IP6K1: variants seen among roughly 807,000 people sequenced by gnomAD.
IP6K1 encodes the protein inositol hexakisphosphate kinase 1.
Under a neutral mutation model 38.3 loss-of-function variants are expected in IP6K1, and 13 were observed. The observed-to-expected ratio is 0.34, with a 90% confidence interval of 0.22 to 0.54. The LOEUF is 0.54. Ranked by LOEUF, IP6K1 falls within the 20% of genes least tolerant of loss-of-function variation. IP6K1 has a pLI of 0.92. For missense variants in IP6K1, 397 were observed against 599.8 expected (o/e 0.66, Z 3.53); for synonymous variants, 212 against 229.9 (o/e 0.92, Z 0.70).
chr3:49,739,657 G>A (rs779468007), intron 2 of IP6K1, among the ~76,000 whole-genome samples: 3 of 151,812 alleles, frequency 2.0e-5, no homozygotes, highest in Non-Finnish European at 4.4e-5. Flanking sequence ...CCGGCCTAAA[G>A]TTCTTTATAA....
intron 1 of IP6K1, among the ~76,000 whole-genome samples, chr3:49,782,801 G>C (rs1218111886): frequency 6.6e-6 from 1 of 151,752 alleles, no homozygotes; most frequent in African/African-American, 2.4e-5. Context: ...GTTTTTAAGA[G>C]ACTGTCTCTT....
At chr3:49,766,958 C>CAAAAAAAAAAAAA (rs144308874) in intron 1 of IP6K1, among the ~76,000 whole-genome samples, 1 of 55,392 alleles carries the variant, frequency 1.8e-5, no homozygotes, top group Non-Finnish European at 3.0e-5. Flanking sequence ...GACTCCGTCT[C>CAAAAAAAAAAAAA]AAAAAAAAAA....
At chr3:49,771,210 A>G (rs1277817940) in intron 1 of IP6K1, among the ~76,000 whole-genome samples, 1 of 149,424 alleles carries the variant, frequency 6.7e-6, no homozygotes, top group Non-Finnish European at 1.5e-5. Context: ...AAAAAAAAAA[A>G]AACCCTGCCA....
chr3:49,775,445 G>A (rs565046161), intron 1 of IP6K1: 13 of 480,646 alleles, frequency 2.7e-5, no homozygotes, highest in Non-Finnish European at 4.7e-5. Flanking sequence ...TATCTTAGCA[G>A]GGGTGCCGTG....
chr3:49,774,430 G>GA (rs1158800169), intron 1 of IP6K1, among the ~76,000 whole-genome samples: 12 of 115,110 alleles, frequency 1.0e-4, no homozygotes, highest in South Asian at 2.8e-4. Context: ...AAAAAAAAAA[G>GA]AAAAAAAAAA....
At chr3:49,743,667 T>A (rs1440760230) in intron 2 of IP6K1, among the ~76,000 whole-genome samples, 3 of 148,186 alleles carry the variant, frequency 2.0e-5, no homozygotes, top group African/African-American at 7.4e-5. Flanking sequence ...TTGCCCAGGC[T>A]GGAATGCAAT....
At chr3:49,759,886 G>A (rs2080853868) in intron 1 of IP6K1, among the ~76,000 whole-genome samples, 1 of 152,124 alleles carries the variant, frequency 6.6e-6, no homozygotes, top group Admixed American at 6.6e-5. Context: ...CAACCCTCTA[G>A]TGAAATACCA....
chr3:49,748,254 CTTG>C (rs996886709), intron 1 of IP6K1, 86 bp from the exon 2 acceptor site: 11 of 587,166 alleles, frequency 1.9e-5, no homozygotes, highest in African/African-American at 1.7e-4. Context: ...AGCAGGGACT[CTTG>C]TTTTGTTCCC....
At chr3:49,759,723 A>G (rs1453671161) in intron 1 of IP6K1, among the ~76,000 whole-genome samples, 1 of 152,218 alleles carries the variant, frequency 6.6e-6, no homozygotes, top group East Asian at 1.9e-4. Flanking sequence ...ATTAAAGGTT[A>G]CCCAGAAGCA....
Position 49,726,855 on chromosome 3 carries a change from C to T in IP6K1, c.*267G>A, listed in dbSNP as rs1394687968. On this transcript the variant is annotated 3_prime_UTR_variant, in exon 6 of 6. Coordinates refer to ENST00000321599, the MANE Select transcript of IP6K1 (RefSeq NM_153273.4). ...CACCCTGTCCCTGCTGCCAAGCCCA[C>T]CAGGGGCACCTCTTCCTTCCTAAGG... The T allele has an allele frequency of 4.3e-6, 2 of 461,118 alleles. No individual in the cohort carries two copies. The highest frequency in any genetic ancestry group is 3.8e-5 in the Admixed American group (1 of 26,442). 28.6% of individuals were successfully genotyped at this position (461,118 alleles called of 1,614,324 possible). A position where few individuals can be genotyped will look rare whatever the true frequency, so the allele number is the denominator to read the frequency against.
intron 1 of IP6K1, among the ~76,000 whole-genome samples, chr3:49,754,380 G>A (rs141309905): frequency 3.3e-4 from 47 of 143,858 alleles, no homozygotes; most frequent in African/African-American, 4.6e-4. Context: ...TGTCTCAGGG[G>A]AAAAAAAAAA....
In IP6K1 at chr3:49,780,309, T is replaced by TACACAC. The variant is rs71080553; in HGVS notation, c.-129+6039_-129+6044dup. Among the ~76,000 whole-genome samples the TACACAC allele has an allele frequency of 2.7e-3, 315 of 117,610 alleles. 9 individuals are homozygous for TACACAC. The highest frequency in any genetic ancestry group is 7.3e-3 in the African/African-American group (234 of 32,126). 77.2% of individuals were successfully genotyped at this position (117,610 alleles called of 152,430 possible). A position where few individuals can be genotyped will look rare whatever the true frequency, so the allele number is the denominator to read the frequency against. ...ACACGAGAATCTTTATCATCTTTCA[T>TACACAC]ACACACACACACACACACACACACA... On this transcript the variant is annotated intron_variant, in intron 1 of 5. Coordinates refer to ENST00000321599, the MANE Select transcript of IP6K1 (RefSeq NM_153273.4).
intron 1 of IP6K1, among the ~76,000 whole-genome samples, chr3:49,766,574 G>A (rs1156409701): frequency 6.6e-6 from 1 of 151,200 alleles, no homozygotes; most frequent in African/African-American, 2.4e-5. Context: ...TGAGGCAGGA[G>A]AATCACTTGA....
intron 1 of IP6K1, among the ~76,000 whole-genome samples, chr3:49,763,307 G>A (rs1007633365): frequency 1.2e-4 from 18 of 150,596 alleles, no homozygotes; most frequent in African/African-American, 2.7e-4. Context: ...GGGTTTCGCC[G>A]TGTTAGCCAG....
chr3:49,738,919 C>A (rs528070339), intron 2 of IP6K1, among the ~76,000 whole-genome samples: 29 of 152,282 alleles, frequency 1.9e-4, no homozygotes, highest in African/African-American at 6.7e-4. Context: ...ATCAGGCTAT[C>A]CCAGCCTCAC....
intron 2 of IP6K1, among the ~76,000 whole-genome samples, chr3:49,744,397 G>A (rs1469069104): frequency 5.9e-4 from 42 of 70,738 alleles, no homozygotes; most frequent in South Asian, 5.6e-3. Context: ...GCGAGACTCC[G>A]TCTCAAAAAA....
At position 49,738,383 on chromosome 3, in the gene IP6K1, T is replaced by C; in HGVS notation, c.263A>G (p.Tyr88Cys). ...SVCFEGDSDGYINLVAYPYVE... is the reference protein window; with the variant it reads ...SVCFEGDSDGCINLVAYPYVE... ...ATAAGGATAGGCCACTAAGTTGATG[T>C]AACCATCACTGTCCCCCTCAAAACA... Residue 88 changes from tyrosine to cysteine, a missense_variant, in exon 3 of 6, where the codon TAC becomes TGC. Tyr to Cys is a radical substitution (Grantham distance 194, BLOSUM62 -2). This residue lies in a region of IP6K1 where 171 missense variants were observed against 237.0 expected (regional missense o/e 0.72). Transcript: ENST00000321599. 6.2e-7 allele frequency: 1 copy of C among 1,614,178 alleles called. No homozygotes were observed. Among genetic ancestry groups the C allele is most frequent in the Non-Finnish European group, 8.5e-7 (1 of 1,180,004 alleles).
chr3:49,744,819 T>C (rs2080707145), intron 2 of IP6K1, among the ~76,000 whole-genome samples: 1 of 152,186 alleles, frequency 6.6e-6, no homozygotes, highest in Non-Finnish European at 1.5e-5. Context: ...CCCACACACA[T>C]ACACACATCT....
At chr3:49,763,546 T>A (rs907349516) in intron 1 of IP6K1, among the ~76,000 whole-genome samples, 1 of 152,100 alleles carries the variant, frequency 6.6e-6, no homozygotes, top group Admixed American at 6.5e-5. Flanking sequence ...CAATGATATA[T>A]AGAAAGAATC....
Sources: gnomAD v4.1 joint callset for allele counts (sites outside exome capture counted in the v4.1 genomes callset) on GRCh38, gnomAD v4.1.1 for gene constraint, gnomAD v4.1.1 regional missense constraint, MANE v1.5 for transcripts, NCBI Gene and HGNC (gene_info 2026-07-23, HGNC 2026-07-21) for gene names.